Variants in SPATA13 observed in about 807,000 individuals in gnomAD.
SPATA13 encodes spermatogenesis associated 13.
SPATA13 carries 50 observed loss-of-function variants against 104.0 expected under a neutral mutation model. The ratio of observed to expected loss-of-function variants is 0.48; its 90% confidence interval spans 0.38 to 0.61. SPATA13 has a LOEUF of 0.61. Ranked by LOEUF, SPATA13 falls within the 20% of genes least tolerant of loss-of-function variation. SPATA13 has a pLI of 0.00. For missense variants in SPATA13, 1,524 were observed against 1,690.6 expected, an observed-to-expected ratio of 0.90 and a Z score of 1.73; for synonymous variants, 606 against 667.5, an observed-to-expected ratio of 0.91 and a Z score of 1.42.
chr13:24,105,377 G>C (rs971377474), intron 3 of SPATA13, among the ~76,000 whole-genome samples: 13 of 151,824 alleles, frequency 8.6e-5, no homozygotes, highest in Non-Finnish European at 1.5e-5. Context: ...GGGCTCAAGT[G>C]ATCCGCCTGC....
chr13:24,210,049 G>T (rs1870926485), intron 1 of SPATA13, among the ~76,000 whole-genome samples: 1 of 151,956 alleles, frequency 6.6e-6, no homozygotes, highest in Non-Finnish European at 1.5e-5. Context: ...ATATCTCTTG[G>T]CCATTTGTGT....
chr13:24,195,614 A>G (rs1450471615), intron 1 of SPATA13, among the ~76,000 whole-genome samples: 1 of 152,220 alleles, frequency 6.6e-6, no homozygotes, highest in African/African-American at 2.4e-5. Context: ...ACACTGCTAA[A>G]GGACAGTATA....
intron 3 of SPATA13, among the ~76,000 whole-genome samples, chr13:24,086,678 A>G (rs1269919014): frequency 6.6e-6 from 1 of 152,148 alleles, no homozygotes; most frequent in Non-Finnish European, 1.5e-5. Context: ...TGGCTGCACA[A>G]GGAAAGAAGG....
intron 4 of SPATA13, among the ~76,000 whole-genome samples, chr13:24,264,625 T>C (rs1031777590): frequency 6.6e-6 from 1 of 152,258 alleles, no homozygotes; most frequent in African/African-American, 2.4e-5. Flanking sequence ...GTCCCAATAA[T>C]TGCCTTCTAT....
intron 1 of SPATA13, among the ~76,000 whole-genome samples, chr13:24,175,939 T>C (rs997360075): frequency 2.6e-5 from 4 of 152,246 alleles, no homozygotes; most frequent in Non-Finnish European, 5.9e-5. Flanking sequence ...TGAAAAGCGA[T>C]AGTTAAAATA....
chr13:23,995,853 C>T (rs1307633088), intron 2 of SPATA13, among the ~76,000 whole-genome samples: 1 of 151,868 alleles, frequency 6.6e-6, no homozygotes, highest in African/African-American at 2.4e-5. Context: ...GTGAGGCTGC[C>T]TTGAACTGCG....
intron 3 of SPATA13, among the ~76,000 whole-genome samples, chr13:24,029,034 T>A (rs1877358426): frequency 6.6e-6 from 1 of 152,194 alleles, no homozygotes; most frequent in African/African-American, 2.4e-5. Context: ...TGTGGTTTTT[T>A]TGTTGTTATA....
intron 3 of SPATA13, among the ~76,000 whole-genome samples, chr13:24,125,373 T>C (rs1014979630): frequency 1.3e-5 from 2 of 152,108 alleles, no homozygotes; most frequent in Non-Finnish European, 2.9e-5. Context: ...ACTTAGGACA[T>C]TTCAAGCCTC....
At chr13:24,263,125 C>T (rs1057363706) in intron 4 of SPATA13, among the ~76,000 whole-genome samples, 3 of 152,104 alleles carry the variant, frequency 2.0e-5, no homozygotes, top group Non-Finnish European at 2.9e-5. Flanking sequence ...GTGTGTGATA[C>T]CTTTGAAATG....
chr13:24,023,968 A>T (rs372151948), intron 3 of SPATA13, among the ~76,000 whole-genome samples: 47 of 152,324 alleles, frequency 3.1e-4, no homozygotes, highest in African/African-American at 1.1e-3. Context: ...TATCATAGTC[A>T]GTTCACAGCA....
At chr13:24,277,317 G>A (rs1029555439) in intron 4 of SPATA13, among the ~76,000 whole-genome samples, 35 of 152,026 alleles carry the variant, frequency 2.3e-4, no homozygotes, top group Admixed American at 7.9e-4. Flanking sequence ...GGTGGCGGGC[G>A]CCTGTAGTCC....
At chr13:24,184,154 T>A (rs1389495808) in intron 1 of SPATA13, among the ~76,000 whole-genome samples, 1 of 152,112 alleles carries the variant, frequency 6.6e-6, no homozygotes, top group Non-Finnish European at 1.5e-5. Context: ...TCTGAATAAG[T>A]TTTGAGTGAA....
intron 3 of SPATA13, among the ~76,000 whole-genome samples, chr13:24,129,967 G>A (rs764518659): frequency 6.6e-6 from 1 of 152,220 alleles, no homozygotes; most frequent in Non-Finnish European, 1.5e-5. Flanking sequence ...AAATTCACCT[G>A]GGAGTCCCTC....
Position 24,223,809 on chromosome 13 carries a change from T to C in SPATA13, c.880T>C (p.Ser294Pro), listed in dbSNP as rs1347766906. 1 of 1,551,714 alleles carries C rather than the reference T, an allele frequency of 6.4e-7. No homozygotes were observed. The highest frequency in any genetic ancestry group is 1.7e-4 in the Middle Eastern group (1 of 5,992). ...ACCACAGAGGACCCTGAGCAGTTCCTCCACTGACTCCCAAAAGCTTGGGTC... is the reference window on the plus strand; with the variant it reads ...ACCACAGAGGACCCTGAGCAGTTCCCCCACTGACTCCCAAAAGCTTGGGTC... ...RVPQRTLSSS[S>P]TDSQKLGSGR... Residue 294 changes from serine (S) to proline (P), a missense_variant, in exon 2 of 13, where the codon TCC (serine) becomes CCC (proline). Coordinates refer to ENST00000382108, the MANE Select transcript of SPATA13 (RefSeq NM_001166271.3).
intron 1 of SPATA13, among the ~76,000 whole-genome samples, chr13:24,215,255 A>T (rs554076907): frequency 2.6e-5 from 4 of 152,362 alleles, no homozygotes; most frequent in Admixed American, 1.3e-4. Context: ...AGAGGCAGGG[A>T]GGGCTTGCAA....
intron 2 of SPATA13, among the ~76,000 whole-genome samples, chr13:24,238,132 C>CTT (rs66810619): frequency 0.14 from 11,075 of 77,028 alleles, 1,623 homozygotes; most frequent in East Asian, 0.21. Flanking sequence ...TTCTTCTTGA[C>CTT]TTTTTTTTTT....
intron 3 of SPATA13, among the ~76,000 whole-genome samples, chr13:24,055,335 G>A (rs1178525395): frequency 6.6e-6 from 1 of 152,328 alleles, no homozygotes; most frequent in African/African-American, 2.4e-5. Flanking sequence ...GATCCCAGAT[G>A]CAATCAGCAT....
chr13:23,993,971 TTTTTTTTTTTTTTTC>T (rs1875546081), intron 2 of SPATA13, among the ~76,000 whole-genome samples: 1 of 24,596 alleles, frequency 4.1e-5, no homozygotes, highest in Non-Finnish European at 8.4e-5. Context: ...GGTGGTGGTG[TTTTTTTTTTTTTTTC>T]TTTTTTTTTT....
At chr13:24,109,220 G>A (rs1293237614) in intron 3 of SPATA13, among the ~76,000 whole-genome samples, 2 of 152,118 alleles carry the variant, frequency 1.3e-5, no homozygotes, top group African/African-American at 4.8e-5. Flanking sequence ...TTGGTTTTCT[G>A]TTCTTGTGAT....
Sources: gnomAD v4.1 joint callset for allele counts (sites outside exome capture counted in the v4.1 genomes callset) on GRCh38, gnomAD v4.1.1 for gene constraint, MANE v1.5 for transcripts, NCBI Gene and HGNC (gene_info 2026-07-23, HGNC 2026-07-21) for gene names.